RNF126: variants seen among roughly 807,000 people sequenced by gnomAD.
The protein encoded by RNF126 is E3 ubiquitin-protein ligase RNF126.
In RNF126, 20 loss-of-function variants were observed where a neutral mutation model predicts 41.9. The ratio of observed to expected loss-of-function variants is 0.48; its 90% CI spans 0.34 to 0.69. The LOEUF is 0.69. RNF126 is among the 30% of genes least tolerant of loss of function. The pLI is 0.01. For synonymous variants in RNF126, 239 were observed against 202.9 expected, an observed-to-expected ratio of 1.18 and a Z score of -1.51; for missense variants, 433 against 460.6, an observed-to-expected ratio of 0.94 and a Z score of 0.55.
chr19:656,347 AAAAG>A (rs1330084094), intron 1 of RNF126, among the ~76,000 whole-genome samples: 5 of 152,036 alleles, frequency 3.3e-5, no homozygotes, highest in African/African-American at 4.8e-5. Context: ...AAAAACAAAA[AAAAG>A]AAAGAAACAA....
intron 1 of RNF126, among the ~76,000 whole-genome samples, chr19:655,295 G>A (rs997693957): frequency 2.0e-5 from 3 of 151,414 alleles, no homozygotes; most frequent in Non-Finnish European, 2.9e-5. Flanking sequence ...CCACCACTGC[G>A]CTAGCCTGGG....
chr19:651,672 G>A lies in RNF126; in HGVS notation c.382C>T (p.Arg128Cys). ...GCCCGCCGCGTGGTGAGGCGGGCGC[G>A]GGGCTGTCGGGCGCCGTACCGGTGC... is the stretch of plus-strand genomic sequence containing the variant. ...SRHRYGARQP[R>C]ARLTTRRATG... The change falls in exon 4 of 9, where the codon CGC becomes TGC. Residue 128 changes from arginine (R) to cysteine (C), a missense_variant. Physicochemically the swap from Arg to Cys is radical, Grantham distance 180. Around this residue, in one of 5 missense-constraint regions of RNF126, gnomAD observed 247 missense variants for 224.7 expected, o/e 1.10. Coordinates refer to ENST00000292363, the MANE Select transcript of RNF126 (RefSeq NM_194460.3). 3.8e-6 allele frequency: 6 copies of A among 1,563,412 alleles called. No individual in the cohort carries two copies. Among genetic ancestry groups the A allele is most frequent in the East Asian group, 4.8e-5 (2 of 41,884 alleles).
At position 652,898 on chromosome 19, in the gene RNF126, C is replaced by A. The variant is rs376781342; in HGVS notation, c.76-14G>T. The A allele has an allele frequency of 1.4e-5, 23 of 1,611,422 alleles. No homozygotes were observed. The East Asian group carries it at 4.7e-4, about 33-fold the overall frequency. Reference sequence around the variant, plus strand: ...ACAGATATAATCCTGCAGGAGAGAACAGGAGGCCGGGTCACGGTGACGCCG... The same window carrying A: ...ACAGATATAATCCTGCAGGAGAGAAAAGGAGGCCGGGTCACGGTGACGCCG... On this transcript the variant is annotated splice_polypyrimidine_tract_variant and intron_variant, in intron 1 of 8. Coordinates refer to ENST00000292363, the MANE Select transcript of RNF126 (RefSeq NM_194460.3).
rs759422177 is a variant in RNF126, at chr19:651,856, C to T, written c.199-1G>A. 6.2e-7 allele frequency: 1 copy of T among 1,605,682 alleles called. No individual in the cohort carries two copies. The highest frequency in any genetic ancestry group is 8.5e-7 in the Non-Finnish European group (1 of 1,176,458). ...GCGTGAACAGGTGCTGGTCCACGTG[C>T]TGGGGAGAGGAGGGGGGCGTGACCT... On this transcript the variant is annotated splice_acceptor_variant, in intron 3 of 8. Transcript: ENST00000292363. LOFTEE classifies it high-confidence loss of function.
In RNF126 at chr19:654,521, T is replaced by C. The variant is rs570500562; in HGVS notation, c.76-1637A>G. On this transcript the variant is annotated intron_variant, in intron 1 of 8. Coordinates refer to ENST00000292363, the MANE Select transcript of RNF126 (RefSeq NM_194460.3). ...AGCCGGGTGTGGTGGCGGGCGCCTGTAATCCCAGCTACTTGGGAGGCTGAG... is the reference window on the plus strand; with the variant it reads ...AGCCGGGTGTGGTGGCGGGCGCCTGCAATCCCAGCTACTTGGGAGGCTGAG... Among the ~76,000 whole-genome samples the C allele has an allele frequency of 2.0e-5, 3 of 150,962 alleles. No individual in the cohort carries two copies. In the East Asian group the frequency reaches 5.9e-4, roughly 29 times the overall value.
At position 652,660 on chromosome 19, in the gene RNF126, A is replaced by G. The variant is rs1303779128; in HGVS notation, c.134+166T>C. On this transcript the variant is annotated intron_variant, in intron 2 of 8. Coordinates refer to ENST00000292363, the MANE Select transcript of RNF126 (RefSeq NM_194460.3). ...GGCCCCGGCCCGGCCATCACAGAAG[A>G]GAACGGCACGCTGCTGTCTGCACAG... is the stretch of plus-strand genomic sequence containing the variant. 5 of 658,772 alleles carry G rather than the reference A, an allele frequency of 7.6e-6. No individual in the cohort carries two copies. The East Asian group carries it at 1.1e-4, about 14-fold the overall frequency. The allele number at this position is 658,772 out of a possible 1,614,324, so 40.8% of individuals were successfully genotyped here.
chr19:663,041 C>T lies in RNF126; in HGVS notation c.75+6G>A. On this transcript the variant is annotated splice_donor_region_variant and intron_variant, in intron 1 of 8. Coordinates refer to ENST00000292363, the MANE Select transcript of RNF126 (RefSeq NM_194460.3). ...CTGCCGCCCGCCGCCCCGGCCCGGG[C>T]CTCACCGGCAGGCGCGGGACGATCT... The T allele has an allele frequency of 7.3e-7, 1 of 1,361,606 alleles. No individual in the cohort carries two copies. The highest frequency in any genetic ancestry group is 1.6e-5 in the South Asian group (1 of 63,596). The allele number at this position is 1,361,606 out of a possible 1,614,324, so 84.3% of individuals were successfully genotyped here.
chr19:652,340 C>G, intron 2 of RNF126, 44 bp from the exon 3 acceptor site: 1 of 1,491,974 alleles, frequency 6.7e-7, no homozygotes, highest in South Asian at 1.3e-5. Flanking sequence ...ACCCTGTGCC[C>G]CCATGCGCCA....
intron 1 of RNF126, among the ~76,000 whole-genome samples, chr19:661,601 C>A (rs1308370049): frequency 6.6e-6 from 1 of 152,134 alleles, no homozygotes; most frequent in Admixed American, 6.5e-5. Context: ...GGGCCTGGCC[C>A]CGCTCTCCCG....
intron 1 of RNF126, among the ~76,000 whole-genome samples, chr19:653,973 T>C (rs1012404572): frequency 6.6e-6 from 1 of 151,996 alleles, no homozygotes; most frequent in Admixed American, 6.6e-5. Context: ...GCTCTGGGGA[T>C]GCAGGTTGCA....
chr19:663,156 CG>C lies in RNF126; in HGVS notation c.-36del. On this transcript the variant is annotated 5_prime_UTR_variant, in exon 1 of 9. Coordinates refer to ENST00000292363, the MANE Select transcript of RNF126 (RefSeq NM_194460.3). ...CACCTACTCCGCGCCGCCCGCCCCC[CG>C]CGCGGCACCCGCCGCCGGCCGTTTG... is the stretch of plus-strand genomic sequence containing the variant. 9.2e-7 allele frequency: 1 copy of C among 1,092,648 alleles called. No individual in the cohort carries two copies. Among genetic ancestry groups the C allele is most frequent in the Non-Finnish European group, 1.1e-6 (1 of 879,064 alleles). The allele number at this position is 1,092,648 out of a possible 1,614,324, so 67.7% of individuals were successfully genotyped here. A position where few individuals can be genotyped will look rare whatever the true frequency, so the allele number is the denominator to read the frequency against.
chr19:655,098 T>C (rs2030504339), intron 1 of RNF126, among the ~76,000 whole-genome samples: 1 of 151,792 alleles, frequency 6.6e-6, no homozygotes, highest in South Asian at 2.1e-4. Context: ...CCATTTGAGG[T>C]CAGGAGCTTG....
At chr19:660,448 G>A (rs116119469) in intron 1 of RNF126, among the ~76,000 whole-genome samples, 2,426 of 152,270 alleles carry the variant, frequency 0.016, 50 homozygotes, top group African/African-American at 0.055. Context: ...GGAGCTTCCC[G>A]ACAGCCAGCC....
chr19:649,594 G>A (rs1307601535), intron 6 of RNF126, 85 bp downstream of exon 6: 20 of 1,124,078 alleles, frequency 1.8e-5, no homozygotes, highest in Non-Finnish European at 2.2e-5. Context: ...GTGGGGCTTC[G>A]TGGGTCCAGG....
chr19:663,165 C>A lies in RNF126; in HGVS notation c.-44G>T. ...CGCGCCGCCCGCCCCCCGCGCGGCA[C>A]CCGCCGCCGGCCGTTTGCTGCTCCC... On this transcript the variant is annotated 5_prime_UTR_variant, in exon 1 of 9. Coordinates refer to ENST00000292363, the MANE Select transcript of RNF126 (RefSeq NM_194460.3). 9.9e-7 allele frequency: 1 copy of A among 1,014,790 alleles called. No individual in the cohort carries two copies. The highest frequency in any genetic ancestry group is 1.2e-6 in the Non-Finnish European group (1 of 813,694). 62.9% of individuals were successfully genotyped at this position (1,014,790 alleles called of 1,614,324 possible). A position where few individuals can be genotyped will look rare whatever the true frequency, so the allele number is the denominator to read the frequency against.
In RNF126 at chr19:651,548, A is replaced by G. The variant is rs185230177; in HGVS notation, c.443+63T>C. The G allele has an allele frequency of 1.4e-3, 1,946 of 1,362,944 alleles. 9 individuals are homozygous for G. The Admixed American group carries it at 0.018, about 12-fold the overall frequency. 84.4% of individuals were successfully genotyped at this position (1,362,944 alleles called of 1,614,324 possible). On this transcript the variant is annotated intron_variant, in intron 4 of 8. Transcript: ENST00000292363. ...TTCCGTGGAACCCGTGCTGGATTCT[A>G]AGCGCCAGAACTTCCGACCTCAAGG...
Position 658,630 on chromosome 19 carries a change from ATCCCACAT to A in RNF126, c.75+4409_75+4416del, listed in dbSNP as rs1226430616. ...TCCCGCCCTCAGCAGCTGCCACCAC[ATCCCACAT>A]TCACACCGTCTGTCCCTGGGCCCCA... On this transcript the variant is annotated intron_variant, in intron 1 of 8. Transcript: ENST00000292363. 7.8e-4 allele frequency among the ~76,000 whole-genome samples: 118 copies of A among 152,146 alleles called. 2 individuals carry two copies. The highest frequency in any genetic ancestry group is 7.7e-3 in the Admixed American group (118 of 15,290).
intron 1 of RNF126, among the ~76,000 whole-genome samples, chr19:660,112 G>A (rs1374451201): frequency 6.6e-6 from 1 of 152,188 alleles, no homozygotes; most frequent in African/African-American, 2.4e-5. Context: ...TGCCGTCGTC[G>A]CCTGAGCCCC....
chr19:653,948 C>T (rs935441868), intron 1 of RNF126, among the ~76,000 whole-genome samples: 2 of 152,076 alleles, frequency 1.3e-5, no homozygotes, highest in African/African-American at 4.8e-5. Context: ...TGAGGGGAGC[C>T]AAGGTCGACC....
Sources: gnomAD v4.1 joint callset for allele counts (sites outside exome capture counted in the v4.1 genomes callset) on GRCh38, gnomAD v4.1.1 for gene constraint, gnomAD v4.1.1 regional missense constraint, MANE v1.5 for transcripts, NCBI Gene and HGNC (gene_info 2026-07-23, HGNC 2026-07-21) for gene names.